Variants in EID1 observed in about 807,000 individuals in gnomAD.
The protein encoded by EID1 is EP300-interacting inhibitor of differentiation 1.
Under a neutral mutation model 13.7 loss-of-function variants are expected in EID1, and 3 were observed. The observed-to-expected ratio is 0.22, with a 90% CI of 0.10 to 0.57. EID1 has a LOEUF of 0.57. Ranked by LOEUF, EID1 falls within the 20% of genes least tolerant of loss-of-function variation. The probability of loss-of-function intolerance (pLI) is 0.92; values close to 1 mark genes in which losing one functional copy is unlikely to be tolerated. For missense variants in EID1, 261 were observed against 247.6 expected, an observed-to-expected ratio of 1.05 and a Z score of -0.36; for synonymous variants, 105 against 97.6, an observed-to-expected ratio of 1.08 and a Z score of -0.44.
At position 48,878,539 on chromosome 15, in the gene EID1, C is replaced by T. The variant is rs1161033157; in HGVS notation, c.363C>T (p.Gly121=). 6.2e-7 allele frequency: 1 copy of T among 1,614,064 alleles called. No homozygotes were observed. Among genetic ancestry groups the T allele is most frequent in the Admixed American group, 1.7e-5 (1 of 60,032 alleles). The change falls in exon 1 of 1, where the codon GGC becomes GGT. Residue 121 remains glycine (G), a synonymous_variant. Coordinates refer to ENST00000530028, the MANE Select transcript of EID1 (RefSeq NM_014335.3). The stretch of plus-strand genomic sequence containing the variant: ...AAGAGGAGCAGCTCAGTGGTGCCGG[C>T]TACAGAGTATCAGCCGCTCTTGAAG... ...YPEEEQLSGA[G]YRVSAALEEA... is the part of the protein sequence containing the mutation.
chr15:48,878,757 G>A lies in EID1; in HGVS notation c.*17G>A. On this transcript the variant is annotated 3_prime_UTR_variant, in exon 1 of 1. Transcript: ENST00000530028. Reference sequence around the variant, plus strand: ...AGAGAGTAGTTAGATGCTGTTAAAAGAGGAGGAAACTACTTGAGGAGGGAC... The same window carrying A: ...AGAGAGTAGTTAGATGCTGTTAAAAAAGGAGGAAACTACTTGAGGAGGGAC... 1 of 1,596,168 alleles carries A rather than the reference G, an allele frequency of 6.3e-7. No homozygotes were observed.
At position 48,879,358 on chromosome 15, in the gene EID1, A is replaced by G. The variant is rs1595743190; in HGVS notation, c.*618A>G. 4 of 167,168 alleles carry G rather than the reference A, an allele frequency of 2.4e-5. No homozygotes were observed. In the South Asian group the frequency reaches 8.3e-4, roughly 35 times the overall value. 10.4% of individuals were successfully genotyped at this position (167,168 alleles called of 1,614,324 possible). Reference sequence around the variant, plus strand: ...AGAGCATCTGAAATTTTGTTTGTACATGTATCTTGATCATTTATAAAGCCA... The same window carrying G: ...AGAGCATCTGAAATTTTGTTTGTACGTGTATCTTGATCATTTATAAAGCCA... On this transcript the variant is annotated 3_prime_UTR_variant, in exon 1 of 1. Transcript: ENST00000530028.
chr15:48,878,615 T>C lies in EID1; in HGVS notation c.439T>C (p.Phe147Leu). 2 of 1,613,936 alleles carry C rather than the reference T, an allele frequency of 1.2e-6. No homozygotes were observed. Among genetic ancestry groups the C allele is most frequent in the South Asian group, 2.2e-5 (2 of 91,088 alleles). Reference sequence around the variant, plus strand: ...AAGAGAACCAGCCCTGGATGGCGGGTTTCAGATGCATTATGAGAAGACCCC... The same window carrying C: ...AAGAGAACCAGCCCTGGATGGCGGGCTTCAGATGCATTATGAGAAGACCCC... ...RTREPALDGG[F>L]QMHYEKTPFD... Residue 147 changes from phenylalanine (F) to leucine (L), a missense_variant, in exon 1 of 1, where the codon TTT becomes CTT. Transcript: ENST00000530028.
rs1899865574 is a variant in EID1 at position 48,878,384 on chromosome 15, G to C, written c.208G>C (p.Glu70Gln). Residue 70 changes from glutamate (E) to glutamine (Q), a missense_variant, in exon 1 of 1, where the codon GAG (glutamate) becomes CAG (glutamine). Glu to Gln is a conservative substitution (Grantham distance 29). Coordinates refer to ENST00000530028, the MANE Select transcript of EID1 (RefSeq NM_014335.3). Reference sequence around the variant, plus strand: ...GGAGGCCCAGCCAATGGCGGCGCCAGAGGGGAAACGGAGCCTTGCTAACGG... The same window carrying C: ...GGAGGCCCAGCCAATGGCGGCGCCACAGGGGAAACGGAGCCTTGCTAACGG... ...EEEAQPMAAP[E>Q]GKRSLANGPN... The C allele has an allele frequency of 6.2e-7, 1 of 1,612,532 alleles. No individual in the cohort carries two copies. Among genetic ancestry groups the C allele is most frequent in the Non-Finnish European group, 8.5e-7 (1 of 1,179,152 alleles).
At position 48,878,678 on chromosome 15, in the gene EID1, C is replaced by G; in HGVS notation, c.502C>G (p.Leu168Val). 6.2e-7 allele frequency: 1 copy of G among 1,614,010 alleles called. No homozygotes were observed. Among genetic ancestry groups the G allele is most frequent in the East Asian group, 2.2e-5 (1 of 44,884 alleles). ...AGCTTTTATCGAAGAGCTTTTTTCA[C>G]TGATGGTTGTCAATCGTCTGACCGA... ...QLAFIEELFS[L>V]MVVNRLTEEL... Residue 168 changes from leucine to valine, a missense_variant, in exon 1 of 1, where the codon CTG becomes GTG. This residue lies in a region of EID1 where 17 missense variants were observed against 36.7 expected (regional missense o/e 0.46). Coordinates refer to ENST00000530028, the MANE Select transcript of EID1 (RefSeq NM_014335.3).
In EID1 at chr15:48,878,778, G is replaced by A. The variant is rs780015230; in HGVS notation, c.*38G>A. 1 of 1,556,646 alleles carries A rather than the reference G, an allele frequency of 6.4e-7. No homozygotes were observed. On this transcript the variant is annotated 3_prime_UTR_variant, in exon 1 of 1. Transcript: ENST00000530028. ...AAAAGAGGAGGAAACTACTTGAGGA[G>A]GGACCCAACTTTCCGCTATCTTTTG...
In EID1 at chr15:48,878,289, G is replaced by A; in HGVS notation, c.113G>A (p.Arg38Gln). 3 of 1,613,714 alleles carry A rather than the reference G, an allele frequency of 1.9e-6. No individual in the cohort carries two copies. Among genetic ancestry groups the A allele is most frequent in the Non-Finnish European group, 2.5e-6 (3 of 1,179,708 alleles). The part of the protein sequence containing the change: ...LPQMEVGSGS[R>Q]ELSLRPSRSG... Reference sequence around the variant, plus strand: ...CAGATGGAGGTAGGCAGCGGGAGCCGGGAGCTATCCCTGCGTCCCTCCCGC... The same window carrying A: ...CAGATGGAGGTAGGCAGCGGGAGCCAGGAGCTATCCCTGCGTCCCTCCCGC... The change falls in exon 1 of 1, where the codon CGG becomes CAG. Residue 38 changes from arginine (R) to glutamine (Q), a missense_variant. Physicochemically the swap from Arg to Gln is conservative, Grantham distance 43 (BLOSUM62 1). Coordinates refer to ENST00000530028, the MANE Select transcript of EID1 (RefSeq NM_014335.3).
Position 48,878,781 on chromosome 15 carries a change from A to G in EID1, c.*41A>G. ...AGAGGAGGAAACTACTTGAGGAGGG[A>G]CCCAACTTTCCGCTATCTTTTGGGT... is the stretch of plus-strand genomic sequence containing the variant. On this transcript the variant is annotated 3_prime_UTR_variant, in exon 1 of 1. Transcript: ENST00000530028. 6.5e-7 allele frequency: 1 copy of G among 1,550,200 alleles called. No homozygotes were observed. The highest frequency in any genetic ancestry group is 1.2e-5 in the South Asian group (1 of 85,606).
At position 48,879,607 on chromosome 15, in the gene EID1, C is replaced by A. The variant is rs1899900427; in HGVS notation, c.*867C>A. 6.0e-6 allele frequency: 1 copy of A among 166,990 alleles called. No individual in the cohort carries two copies. Among genetic ancestry groups the A allele is most frequent in the Admixed American group, 6.5e-5 (1 of 15,280 alleles). 10.3% of individuals were successfully genotyped at this position (166,990 alleles called of 1,614,324 possible). On this transcript the variant is annotated 3_prime_UTR_variant, in exon 1 of 1. Transcript: ENST00000530028. ...TTAGTTGAACTTCATATTGTAAGAACTGTTAATAAAAGTTGTCAAGTAAAA... is the reference window on the plus strand; with the variant it reads ...TTAGTTGAACTTCATATTGTAAGAAATGTTAATAAAAGTTGTCAAGTAAAA...
In EID1 at chr15:48,878,194, G is replaced by C. The variant is rs1463034071; in HGVS notation, c.18G>C (p.Glu6Asp). Residue 6 changes from glutamate (E) to aspartate (D), a missense_variant, in exon 1 of 1, where the codon GAG (glutamate) becomes GAC (aspartate). Transcript: ENST00000530028. The stretch of plus-strand genomic sequence containing the variant: ...TTTGCACAATGTCGGAAATGGCTGA[G>C]TTGTCCGAGCTGTATGAAGAGAGCA... The part of the protein sequence containing the change: MSEMA[E>D]LSELYEESSD... 1 of 1,562,532 alleles carries C rather than the reference G, an allele frequency of 6.4e-7. No homozygotes were observed. The highest frequency in any genetic ancestry group is 2.3e-5 in the East Asian group (1 of 44,222).
Position 48,879,608 on chromosome 15 carries a change from T to C in EID1, c.*868T>C, listed in dbSNP as rs1899900486. On this transcript the variant is annotated 3_prime_UTR_variant, in exon 1 of 1. Coordinates refer to ENST00000530028, the MANE Select transcript of EID1 (RefSeq NM_014335.3). The stretch of plus-strand genomic sequence containing the variant: ...TAGTTGAACTTCATATTGTAAGAAC[T>C]GTTAATAAAAGTTGTCAAGTAAAAA... 6.0e-6 allele frequency: 1 copy of C among 167,078 alleles called. No homozygotes were observed. Among genetic ancestry groups the C allele is most frequent in the Non-Finnish European group, 1.5e-5 (1 of 68,132 alleles). 10.3% of individuals were successfully genotyped at this position (167,078 alleles called of 1,614,324 possible).
chr15:48,878,984 C>A lies in EID1; in HGVS notation c.*244C>A. 2.4e-6 allele frequency: 1 copy of A among 414,286 alleles called. No individual in the cohort carries two copies. The allele number at this position is 414,286 out of a possible 1,614,324, so 25.7% of individuals were successfully genotyped here. A position where few individuals can be genotyped will look rare whatever the true frequency, so the allele number is the denominator to read the frequency against. Reference sequence around the variant, plus strand: ...AATTATCAAGAACGTCCTAAAACACCTATGGCTTTGACTTTGTTATTGATC... The same window carrying A: ...AATTATCAAGAACGTCCTAAAACACATATGGCTTTGACTTTGTTATTGATC... On this transcript the variant is annotated 3_prime_UTR_variant, in exon 1 of 1. Coordinates refer to ENST00000530028, the MANE Select transcript of EID1 (RefSeq NM_014335.3).
At position 48,878,892 on chromosome 15, in the gene EID1, G is replaced by C. The variant is rs995168656; in HGVS notation, c.*152G>C. On this transcript the variant is annotated 3_prime_UTR_variant, in exon 1 of 1. Coordinates refer to ENST00000530028, the MANE Select transcript of EID1 (RefSeq NM_014335.3). ...AATAGAACACAATAGGACAGTGACT[G>C]CACAGTTGTGAAAAAGGAAGAGAAT... The C allele has an allele frequency of 2.2e-5, 13 of 587,508 alleles. No individual in the cohort carries two copies. The highest frequency in any genetic ancestry group is 4.5e-4 in the Middle Eastern group (1 of 2,200). 36.4% of individuals were successfully genotyped at this position (587,508 alleles called of 1,614,324 possible). A position where few individuals can be genotyped will look rare whatever the true frequency, so the allele number is the denominator to read the frequency against.
Position 48,878,898 on chromosome 15 carries a change from T to C in EID1, c.*158T>C. The C allele has an allele frequency of 5.3e-6, 3 of 565,098 alleles. No homozygotes were observed. The South Asian group carries it at 9.8e-5, about 18-fold the overall frequency. 35.0% of individuals were successfully genotyped at this position (565,098 alleles called of 1,614,324 possible). A position where few individuals can be genotyped will look rare whatever the true frequency, so the allele number is the denominator to read the frequency against. On this transcript the variant is annotated 3_prime_UTR_variant, in exon 1 of 1. Coordinates refer to ENST00000530028, the MANE Select transcript of EID1 (RefSeq NM_014335.3). ...ACACAATAGGACAGTGACTGCACAG[T>C]TGTGAAAAAGGAAGAGAATCATTAA...
chr15:48,878,421 G>C lies in EID1; in HGVS notation c.245G>C (p.Gly82Ala). 1 of 1,612,320 alleles carries C rather than the reference G, an allele frequency of 6.2e-7. No homozygotes were observed. Among genetic ancestry groups the C allele is most frequent in the South Asian group, 1.1e-5 (1 of 90,900 alleles). ...AGCCTTGCTAACGGGCCCAACGCTG[G>C]GGAGCAGCCAGGCCAGGTGGCGGGC... is the stretch of plus-strand genomic sequence containing the variant. ...KRSLANGPNA[G>A]EQPGQVAGAD... is the part of the protein sequence containing the mutation. Residue 82 changes from glycine (G) to alanine (A), a missense_variant, in exon 1 of 1, where the codon GGG (glycine) becomes GCG (alanine). Gly to Ala is a moderately conservative substitution (Grantham distance 60, BLOSUM62 0). Transcript: ENST00000530028.
chr15:48,878,310 C>T lies in EID1; in HGVS notation c.134C>T (p.Ser45Phe). Residue 45 changes from serine to phenylalanine, a missense_variant, in exon 1 of 1, where the codon TCC becomes TTC. Coordinates refer to ENST00000530028, the MANE Select transcript of EID1 (RefSeq NM_014335.3). The stretch of plus-strand genomic sequence containing the variant: ...AGCCGGGAGCTATCCCTGCGTCCCT[C>T]CCGCAGCGGGGCCCAACAGCTCGAG... The part of the protein sequence containing the change: ...SGSRELSLRP[S>F]RSGAQQLEEE... 1 of 1,613,728 alleles carries T rather than the reference C, an allele frequency of 6.2e-7. No individual in the cohort carries two copies. The highest frequency in any genetic ancestry group is 8.5e-7 in the Non-Finnish European group (1 of 1,179,708).
rs772982315 is a variant in EID1, at chr15:48,878,414, A to C, written c.238A>C (p.Asn80His). The change falls in exon 1 of 1, where the codon AAC becomes CAC. Residue 80 changes from asparagine (N) to histidine (H), a missense_variant. Physicochemically the swap from Asn to His is moderately conservative, Grantham distance 68 (BLOSUM62 1). Around this residue, in one of 2 missense-constraint regions of EID1, gnomAD observed 244 missense variants for 210.8 expected, o/e 1.16. Transcript: ENST00000530028. Reference sequence around the variant, plus strand: ...GAAACGGAGCCTTGCTAACGGGCCCAACGCTGGGGAGCAGCCAGGCCAGGT... The same window carrying C: ...GAAACGGAGCCTTGCTAACGGGCCCCACGCTGGGGAGCAGCCAGGCCAGGT... ...EGKRSLANGP[N>H]AGEQPGQVAG... 2 of 1,612,184 alleles carry C rather than the reference A, an allele frequency of 1.2e-6. No homozygotes were observed. Among genetic ancestry groups the C allele is most frequent in the Admixed American group, 3.4e-5 (2 of 59,504 alleles).
rs748867491 is a variant in EID1 at position 48,878,714 on chromosome 15, T to C, written c.538T>C (p.Cys180Arg). The change falls in exon 1 of 1, where the codon TGT becomes CGT. Residue 180 changes from cysteine to arginine, a missense_variant. By Grantham distance (180) the Cys-to-Arg change is radical. Around this residue, in one of 2 missense-constraint regions of EID1, gnomAD observed 17 missense variants for 36.7 expected, o/e 0.46. Transcript: ENST00000530028. ...VVNRLTEELG[C>R]DEIIDRE is the part of the protein sequence containing the mutation. Reference sequence around the variant, plus strand: ...CAATCGTCTGACCGAAGAACTCGGCTGTGATGAGATTATTGATAGAGAGTA... The same window carrying C: ...CAATCGTCTGACCGAAGAACTCGGCCGTGATGAGATTATTGATAGAGAGTA... 6.2e-7 allele frequency: 1 copy of C among 1,613,818 alleles called. No homozygotes were observed. Among genetic ancestry groups the C allele is most frequent in the Non-Finnish European group, 8.5e-7 (1 of 1,179,712 alleles).
chr15:48,879,262 A>G lies in EID1; in HGVS notation c.*522A>G, dbSNP rs1899892577. On this transcript the variant is annotated 3_prime_UTR_variant, in exon 1 of 1. Transcript: ENST00000530028. Reference sequence around the variant, plus strand: ...CACAGTTATCAAAGGCTACATTTTCAGTGTAAGATAAATGGATGAGTAAAC... The same window carrying G: ...CACAGTTATCAAAGGCTACATTTTCGGTGTAAGATAAATGGATGAGTAAAC... 5.9e-6 allele frequency: 1 copy of G among 168,314 alleles called. No homozygotes were observed. The highest frequency in any genetic ancestry group is 2.0e-4 in the South Asian group (1 of 4,958). The allele number at this position is 168,314 out of a possible 1,614,324, so 10.4% of individuals were successfully genotyped here. A position where few individuals can be genotyped will look rare whatever the true frequency, so the allele number is the denominator to read the frequency against.
Sources: allele counts gnomAD v4.1 joint callset, GRCh38; gene constraint gnomAD v4.1.1; regional missense constraint gnomAD v4.1.1; transcripts MANE v1.5; gene names NCBI Gene and HGNC (gene_info 2026-07-23, HGNC 2026-07-21).